Variants in KYNU observed in about 807,000 individuals in gnomAD.
KYNU encodes the protein kynureninase.
In KYNU, 54 loss-of-function variants were observed where a neutral mutation model predicts 59.2. The observed-to-expected ratio is 0.91, with a 90% CI of 0.73 to 1.14. The LOEUF is 1.14. Among genes scored for constraint, KYNU ranks in the 50% most tolerant of loss-of-function variants. The pLI is 0.00. For synonymous variants in KYNU, 177 were observed against 192.0 expected (o/e 0.92, Z 0.65); for missense variants, 567 against 554.4 (o/e 1.02, Z -0.23).
At chr2:143,038,820 G>A (rs966841819) in intron 12 of KYNU, among the ~76,000 whole-genome samples, 1 of 152,026 alleles carries the variant, frequency 6.6e-6, no homozygotes, top group African/African-American at 2.4e-5. Context: ...TGTACATACA[G>A]GAATAACTGT....
chr2:142,897,606 T>C (rs1681923117), intron 2 of KYNU, among the ~76,000 whole-genome samples: 1 of 152,216 alleles, frequency 6.6e-6, no homozygotes, highest in South Asian at 2.1e-4. Context: ...TTACTACTTA[T>C]AATACAATCA....
At chr2:142,908,112 G>T (rs1482439068) in intron 2 of KYNU, among the ~76,000 whole-genome samples, 4 of 152,188 alleles carry the variant, frequency 2.6e-5, no homozygotes, top group African/African-American at 7.2e-5. Context: ...TTGGCAGTTA[G>T]AAGTATGCTG....
intron 8 of KYNU, among the ~76,000 whole-genome samples, chr2:142,967,013 G>A (rs1272931653): frequency 6.6e-6 from 1 of 151,500 alleles, no homozygotes; most frequent in Non-Finnish European, 1.5e-5. Flanking sequence ...AAGCAGTTTG[G>A]CCAGGACTCA....
chr2:142,890,451 A>G (rs1573753858), intron 2 of KYNU, among the ~76,000 whole-genome samples: 1 of 152,120 alleles, frequency 6.6e-6, no homozygotes, highest in Admixed American at 6.6e-5. Flanking sequence ...CAATTGCCTC[A>G]CTAACTTTGG....
At chr2:143,030,655 G>GATT (rs992617752) in intron 11 of KYNU, among the ~76,000 whole-genome samples, 5 of 150,428 alleles carry the variant, frequency 3.3e-5, no homozygotes, top group Admixed American at 6.6e-5. Flanking sequence ...TGATGATGCT[G>GATT]ATTATTATTA....
At chr2:142,914,203 C>T (rs556302316) in intron 2 of KYNU, among the ~76,000 whole-genome samples, 1 of 152,324 alleles carries the variant, frequency 6.6e-6, no homozygotes, top group Non-Finnish European at 1.5e-5. Flanking sequence ...ATGTTTGGAT[C>T]CCCTGGGAAC....
intron 4 of KYNU, among the ~76,000 whole-genome samples, chr2:142,932,876 T>A (rs1382117358): frequency 6.6e-6 from 1 of 152,012 alleles, no homozygotes; most frequent in East Asian, 1.9e-4. Flanking sequence ...TTGGAAAAGG[T>A]ATAAGAAAGG....
In KYNU at chr2:143,052,222, G is replaced by T. The variant is rs1687278766; in HGVS notation, c.*10050G>T. 1 of 152,518 alleles carries T rather than the reference G, an allele frequency of 6.6e-6. No individual in the cohort carries two copies. The highest frequency in any genetic ancestry group is 1.5e-5 in the Non-Finnish European group (1 of 68,330). 9.4% of individuals were successfully genotyped at this position (152,518 alleles called of 1,614,324 possible). ...TTTTTATGCAGCAAAGCATTCAAGA[G>T]GTGACTTGGTTGCTATTAAAGGCAT... On this transcript the variant is annotated 3_prime_UTR_variant, in exon 14 of 14. Transcript: ENST00000264170.
At chr2:142,952,492 G>C (rs140684157) in intron 4 of KYNU, among the ~76,000 whole-genome samples, 1 of 152,126 alleles carries the variant, frequency 6.6e-6, no homozygotes, top group East Asian at 1.9e-4. Flanking sequence ...ACCCAGGCTA[G>C]AGTGTGGAGT....
In KYNU at chr2:143,007,868, G is replaced by C. The variant is rs1384599563; in HGVS notation, c.903-21759G>C. Reference sequence around the variant, plus strand: ...AGACAAGCAAATGCTGAGAGATTTTGTCACCACCAGGCCTGCCCTAAAAGA... The same window carrying C: ...AGACAAGCAAATGCTGAGAGATTTTCTCACCACCAGGCCTGCCCTAAAAGA... On this transcript the variant is annotated intron_variant, in intron 10 of 13. Transcript: ENST00000264170. Among the ~76,000 whole-genome samples the C allele has an allele frequency of 2.8e-4, 32 of 114,938 alleles. 6 individuals are homozygous for C. The highest frequency in any genetic ancestry group is 1.1e-3 in the African/African-American group (29 of 25,238). The allele number at this position is 114,938 out of a possible 152,430, so 75.4% of individuals were successfully genotyped here. A position where few individuals can be genotyped will look rare whatever the true frequency, so the allele number is the denominator to read the frequency against.
chr2:142,965,598 G>T lies in KYNU; in HGVS notation c.729+4828G>T, dbSNP rs1045196552. The stretch of plus-strand genomic sequence containing the variant: ...CATTTCTATTTAAGGCAGAGAGAAG[G>T]AAGAAGGGAGAAGCAGCAGGGCAGC... On this transcript the variant is annotated intron_variant, in intron 8 of 13. Coordinates refer to ENST00000264170, the MANE Select transcript of KYNU (RefSeq NM_003937.3). Among the ~76,000 whole-genome samples the T allele has an allele frequency of 2.0e-5, 3 of 152,110 alleles. No homozygotes were observed. In the South Asian group the frequency reaches 6.2e-4, roughly 32 times the overall value.
intron 10 of KYNU, chr2:142,989,230 A>G (rs1685318223): frequency 9.3e-6 from 3 of 322,136 alleles, no homozygotes; most frequent in African/African-American, 2.2e-5. Context: ...CTGTATGACT[A>G]CTGACTCTAT....
intron 10 of KYNU, among the ~76,000 whole-genome samples, chr2:142,997,062 A>T (rs1020412157): frequency 6.6e-6 from 1 of 152,182 alleles, no homozygotes; most frequent in Non-Finnish European, 1.5e-5. Flanking sequence ...AGTAAAGTAC[A>T]GCCAGTTCAG....
intron 2 of KYNU, among the ~76,000 whole-genome samples, chr2:142,905,702 A>G (rs764595239): frequency 6.6e-6 from 1 of 152,102 alleles, no homozygotes; most frequent in East Asian, 1.9e-4. Context: ...TTATTTTTCT[A>G]CTTTCTTCTG....
chr2:142,950,114 A>G (rs527978731), intron 4 of KYNU, among the ~76,000 whole-genome samples: 112 of 152,284 alleles, frequency 7.4e-4, no homozygotes, highest in African/African-American at 2.6e-3. Context: ...ATCTGAGACT[A>G]CCTCAGCCTG....
At chr2:142,944,504 G>A (rs1342462204) in intron 4 of KYNU, among the ~76,000 whole-genome samples, 1 of 152,170 alleles carries the variant, frequency 6.6e-6, no homozygotes, top group Non-Finnish European at 1.5e-5. Context: ...AGTCATAGAT[G>A]ATCTGATAAA....
rs1315247511 is a variant in KYNU, at chr2:143,050,484, A to G, written c.*8312A>G. On this transcript the variant is annotated 3_prime_UTR_variant, in exon 14 of 14. Transcript: ENST00000264170. The stretch of plus-strand genomic sequence containing the variant: ...TGCAAAGGACATGATCTCATTCCTC[A>G]ATACTATGGCTACGTAGTATTCCAT... The G allele has an allele frequency of 6.6e-6, 1 of 152,120 alleles. No homozygotes were observed. Among genetic ancestry groups the G allele is most frequent in the Non-Finnish European group, 1.5e-5 (1 of 68,024 alleles). The allele number at this position is 152,120 out of a possible 1,614,324, so 9.4% of individuals were successfully genotyped here.
chr2:143,006,839 T>C (rs1455310017), intron 10 of KYNU, among the ~76,000 whole-genome samples: 1 of 151,878 alleles, frequency 6.6e-6, no homozygotes, highest in Non-Finnish European at 1.5e-5. Flanking sequence ...ACCCTGCAGC[T>C]GAGGGTCCTG....
At chr2:143,028,337 T>C (rs1686638945) in intron 10 of KYNU, among the ~76,000 whole-genome samples, 1 of 137,366 alleles carries the variant, frequency 7.3e-6, no homozygotes, top group Non-Finnish European at 1.5e-5. Flanking sequence ...CCTCCCCCTC[T>C]GGGTTCAAGC....
Sources: gnomAD v4.1 joint callset for allele counts (sites outside exome capture counted in the v4.1 genomes callset) on GRCh38, gnomAD v4.1.1 for gene constraint, MANE v1.5 for transcripts, NCBI Gene and HGNC (gene_info 2026-07-23, HGNC 2026-07-21) for gene names.